GCN1: variants seen among roughly 807,000 people sequenced by gnomAD.
The protein encoded by GCN1 is GCN1 activator of EIF2AK4, also known as stalled ribosome sensor GCN1.
Under a neutral mutation model 288.4 loss-of-function variants are expected in GCN1, and 90 were observed. The observed-to-expected ratio is 0.31, with a 90% confidence interval of 0.26 to 0.37. GCN1 has a LOEUF of 0.37. Among genes scored for constraint, GCN1 ranks in the 10% least tolerant of loss-of-function variants. GCN1 has a pLI of 1.00. For missense variants in GCN1, 2,586 were observed against 3,419.9 expected (o/e 0.76, Z 6.08); for synonymous variants, 1,386 against 1,420.2 (o/e 0.98, Z 0.54).
rs763232932 is a variant in GCN1, at chr12:120,138,404, C to G, written c.6168G>C (p.Glu2056Asp). The G allele has an allele frequency of 6.2e-7, 1 of 1,603,812 alleles. No individual in the cohort carries two copies. The highest frequency in any genetic ancestry group is 1.7e-5 in the Admixed American group (1 of 60,026). The part of the protein sequence containing the change: ...PFLLKQLDDE[E>D]VSEFALDGLK... ...GACCATCCAAGGCAAACTCTGACACCTCCTCGTCATCCTGCAGAGGGTGTT... is the reference window on the plus strand; with the variant it reads ...GACCATCCAAGGCAAACTCTGACACGTCCTCGTCATCCTGCAGAGGGTGTT... The change falls in exon 47 of 58, where the codon GAG becomes GAC. Residue 2056 changes from glutamate (E) to aspartate (D), a missense_variant. Around this residue, in one of 8 missense-constraint regions of GCN1, gnomAD observed 437 missense variants for 570.5 expected, o/e 0.77. Transcript: ENST00000300648.
chr12:120,151,020 G>A (rs559731316), intron 34 of GCN1, 125 bp downstream of exon 34: 12 of 1,031,932 alleles, frequency 1.2e-5, no homozygotes, highest in African/African-American at 7.9e-5. Context: ...CGCACACAGC[G>A]GGGCCCTCTG....
Position 120,158,739 on chromosome 12 carries a change from G to C in GCN1, c.2750-124C>G. 2.4e-6 allele frequency: 2 copies of C among 841,462 alleles called. No individual in the cohort carries two copies. The highest frequency in any genetic ancestry group is 3.6e-6 in the Non-Finnish European group (2 of 552,924). 52.1% of individuals were successfully genotyped at this position (841,462 alleles called of 1,614,324 possible). On this transcript the variant is annotated intron_variant, in intron 24 of 57. Coordinates refer to ENST00000300648, the MANE Select transcript of GCN1 (RefSeq NM_006836.2). This position sits in a 1 kb window ranked among gnomAD's most constrained non-coding sequence, Gnocchi z 4.3. Reference sequence around the variant, plus strand: ...TAAAAAAATATTTCTGCGGCTGGGCGCGGTGGCTGATGCCTGTAATCCCAG... The same window carrying C: ...TAAAAAAATATTTCTGCGGCTGGGCCCGGTGGCTGATGCCTGTAATCCCAG...
chr12:120,138,433 G>C lies in GCN1; in HGVS notation c.6157-18C>G, dbSNP rs756278871. ...TCGTCATCCTGCAGAGGGTGTTGGGGACAACCCTGAGGAATCTGCATCTCT... is the reference window on the plus strand; with the variant it reads ...TCGTCATCCTGCAGAGGGTGTTGGGCACAACCCTGAGGAATCTGCATCTCT... On this transcript the variant is annotated intron_variant, in intron 46 of 57. Transcript: ENST00000300648. 1.3e-6 allele frequency: 2 copies of C among 1,505,178 alleles called. No homozygotes were observed. Among genetic ancestry groups the C allele is most frequent in the Non-Finnish European group, 1.9e-6 (2 of 1,080,474 alleles). 93.2% of individuals were successfully genotyped at this position (1,505,178 alleles called of 1,614,324 possible).
At chr12:120,175,345 G>T in intron 11 of GCN1, 133 bp from the exon 12 acceptor site, 2 of 836,516 alleles carry the variant, frequency 2.4e-6, no homozygotes, top group Non-Finnish European at 2.0e-6. Flanking sequence ...GTGAAGCTGG[G>T]TTTAAAGCAA....
intron 10 of GCN1, 34 bp downstream of exon 10, chr12:120,176,109 C>T (rs776825029): frequency 6.7e-7 from 1 of 1,493,976 alleles, no homozygotes; most frequent in Non-Finnish European, 9.3e-7. Context: ...CCCAAGGTGA[C>T]ACTTATGGGC....
chr12:120,184,939 C>T (rs374627732), intron 2 of GCN1, 52 bp from the exon 3 acceptor site: 28 of 1,243,138 alleles, frequency 2.3e-5, no homozygotes, highest in African/African-American at 1.9e-4. Flanking sequence ...CTTGGTAAGC[C>T]GCTGGAGTCA....
rs1876663574 is a variant in GCN1 at position 120,127,790 on chromosome 12, A to G, written c.*59T>C. 6.3e-7 allele frequency: 1 copy of G among 1,580,536 alleles called. No individual in the cohort carries two copies. Among genetic ancestry groups the G allele is most frequent in the East Asian group, 2.3e-5 (1 of 44,312 alleles). On this transcript the variant is annotated 3_prime_UTR_variant, in exon 58 of 58. Coordinates refer to ENST00000300648, the MANE Select transcript of GCN1 (RefSeq NM_006836.2). Reference sequence around the variant, plus strand: ...TCCCCATTGGAACAAATGTATTTTCAAAAATGAAAACATTGAGCAAAGATG... The same window carrying G: ...TCCCCATTGGAACAAATGTATTTTCGAAAATGAAAACATTGAGCAAAGATG...
intron 44 of GCN1, among the ~76,000 whole-genome samples, chr12:120,141,899 T>C (rs1489106597): frequency 2.6e-5 from 4 of 152,174 alleles, no homozygotes; most frequent in African/African-American, 9.7e-5. Context: ...TTACATCTCT[T>C]TGTGTGGTTA....
intron 13 of GCN1, 34 bp from the exon 14 acceptor site, chr12:120,173,860 T>C (rs1388023204): frequency 6.3e-7 from 1 of 1,577,592 alleles, no homozygotes; most frequent in Non-Finnish European, 8.7e-7. Flanking sequence ...GTCAGTCCAA[T>C]GTCTTATAAC....
At chr12:120,141,121 T>C (rs1877181122) in intron 44 of GCN1, 98 bp from the exon 45 acceptor site, 6 of 985,018 alleles carry the variant, frequency 6.1e-6, no homozygotes, top group Admixed American at 2.2e-5. Flanking sequence ...TCCCAGGCTT[T>C]ATCTGAATCA....
At position 120,172,247 on chromosome 12, in the gene GCN1, T is replaced by C. The variant is rs189809539; in HGVS notation, c.1366+1406A>G. On this transcript the variant is annotated intron_variant, in intron 14 of 57. Coordinates refer to ENST00000300648, the MANE Select transcript of GCN1 (RefSeq NM_006836.2). ...TGTATTGAGCGTACATTTCTACCCA[T>C]GGAAAATCTATGACTTCAATCAGCA... 3.9e-5 allele frequency among the ~76,000 whole-genome samples: 6 copies of C among 152,296 alleles called. No homozygotes were observed. In the East Asian group the frequency reaches 7.7e-4, roughly 20 times the overall value.
chr12:120,133,567 A>G (rs1311894303), intron 53 of GCN1, among the ~76,000 whole-genome samples: 1 of 152,112 alleles, frequency 6.6e-6, no homozygotes, highest in East Asian at 1.9e-4. Context: ...CTACACACTA[A>G]GTTTCTTGAG....
At chr12:120,172,486 G>A (rs1169821204) in intron 14 of GCN1, among the ~76,000 whole-genome samples, 2 of 152,208 alleles carry the variant, frequency 1.3e-5, no homozygotes, top group Non-Finnish European at 2.9e-5. Flanking sequence ...CCCCTCCCAA[G>A]AGGAGGCCCT....
chr12:120,127,642 C>G lies in GCN1; in HGVS notation c.*207G>C. 1 of 599,946 alleles carries G rather than the reference C, an allele frequency of 1.7e-6. No individual in the cohort carries two copies. The highest frequency in any genetic ancestry group is 2.9e-6 in the Non-Finnish European group (1 of 340,808). 37.2% of individuals were successfully genotyped at this position (599,946 alleles called of 1,614,324 possible). A position where few individuals can be genotyped will look rare whatever the true frequency, so the allele number is the denominator to read the frequency against. ...GGCGCATGCGTGTGCTTTTCCTTCT[C>G]TTCTCCACAGGAAAAGGTGAGAGAT... is the stretch of plus-strand genomic sequence containing the variant. On this transcript the variant is annotated 3_prime_UTR_variant, in exon 58 of 58. Transcript: ENST00000300648.
intron 55 of GCN1, 72 bp downstream of exon 55, chr12:120,131,113 C>A (rs1324408592): frequency 7.1e-7 from 1 of 1,414,430 alleles, no homozygotes; most frequent in Non-Finnish European, 9.9e-7. Context: ...TGGGGTCCAC[C>A]CGCGCTGTGT....
rs780358562 is a variant in GCN1 at position 120,178,636 on chromosome 12, T to A, written c.649A>T (p.Ser217Cys). 1 of 1,614,256 alleles carries A rather than the reference T, an allele frequency of 6.2e-7. No individual in the cohort carries two copies. Among genetic ancestry groups the A allele is most frequent in the Non-Finnish European group, 8.5e-7 (1 of 1,180,042 alleles). ...CTSHKEMDVV[S>C]QHKSALLDFY... ...GCCTTGGCACTTGCCTTGTGCTGAC[T>A]GACCACGTCCATCTCCTTGTGACTC... Residue 217 changes from serine to cysteine, a missense_variant, in exon 7 of 58, where the codon AGT becomes TGT. By Grantham distance (112) the Ser-to-Cys change is moderately radical (BLOSUM62 -1). Around this residue, in one of 8 missense-constraint regions of GCN1, gnomAD observed 913 missense variants for 1,107.0 expected, o/e 0.82. Coordinates refer to ENST00000300648, the MANE Select transcript of GCN1 (RefSeq NM_006836.2).
Position 120,161,966 on chromosome 12 carries a change from G to A in GCN1, c.2256C>T (p.Asn752=), listed in dbSNP as rs760620120. ...CCCGCGTCACCAGGCGCAGTGCAGGGTTCTGCACGGAGGCAGTGATGGTGC... is the reference window on the plus strand; with the variant it reads ...CCCGCGTCACCAGGCGCAGTGCAGGATTCTGCACGGAGGCAGTGATGGTGC... The part of the protein sequence containing the change: ...LISTITASVQ[N]PALRLVTREE... Residue 752 remains asparagine, a synonymous_variant, in exon 21 of 58, where the codon AAC becomes AAT. Transcript: ENST00000300648. 1.2e-6 allele frequency: 2 copies of A among 1,613,678 alleles called. No individual in the cohort carries two copies. The highest frequency in any genetic ancestry group is 1.7e-6 in the Non-Finnish European group (2 of 1,179,760).
Position 120,157,851 on chromosome 12 carries a change from C to T in GCN1, c.3085G>A (p.Glu1029Lys). Reference sequence around the variant, plus strand: ...GAGAGCAGAGCTTCCCTGCCAACCTCGTCCACCCGCCCGGGTGGGGTGTTG... The same window carrying T: ...GAGAGCAGAGCTTCCCTGCCAACCTTGTCCACCCGCCCGGGTGGGGTGTTG... Reference protein sequence around the residue: ...SPNTPPGRVDENGPELLPRVA... With the variant: ...SPNTPPGRVDKNGPELLPRVA... The change falls in exon 26 of 58, where the codon GAG becomes AAG. Residue 1029 changes from glutamate to lysine, a missense_variant and splice_region_variant. This residue lies in a region of GCN1 where 153 missense variants were observed against 252.0 expected (regional missense o/e 0.61). Coordinates refer to ENST00000300648, the MANE Select transcript of GCN1 (RefSeq NM_006836.2). 1.2e-6 allele frequency: 2 copies of T among 1,612,598 alleles called. No homozygotes were observed. The highest frequency in any genetic ancestry group is 1.7e-6 in the Non-Finnish European group (2 of 1,178,998).
In GCN1 at chr12:120,147,120, G is replaced by A; in HGVS notation, c.4879C>T (p.Arg1627Cys). Reference protein sequence around the residue: ...MPIVQRAFQDRSTDTRKMAAQ... With the variant: ...MPIVQRAFQDCSTDTRKMAAQ... The stretch of plus-strand genomic sequence containing the variant: ...GCCATCTTCCGCGTGTCCGTGGAAC[G>A]GTCCTGGAAGGCTCTCTGGACAATG... The change falls in exon 38 of 58, where the codon CGT becomes TGT. Residue 1627 changes from arginine to cysteine, a missense_variant. Physicochemically the swap from Arg to Cys is radical, Grantham distance 180. Transcript: ENST00000300648. 1 of 1,606,600 alleles carries A rather than the reference G, an allele frequency of 6.2e-7. No homozygotes were observed.
Sources: gnomAD v4.1 joint callset for allele counts (sites outside exome capture counted in the v4.1 genomes callset) on GRCh38, gnomAD v4.1.1 for gene constraint, gnomAD v4.1.1 regional missense constraint, Gnocchi (gnomAD v3.1) non-coding constraint, MANE v1.5 for transcripts, NCBI Gene and HGNC (gene_info 2026-07-23, HGNC 2026-07-21) for gene names.